RIMS2: variants seen among roughly 807,000 people sequenced by gnomAD.
RIMS2 encodes regulating synaptic membrane exocytosis protein 2.
A neutral mutation model predicts 174.4 loss-of-function variants in RIMS2; 59 were observed. The ratio of observed to expected loss-of-function variants is 0.34; its 90% confidence interval spans 0.27 to 0.42. The LOEUF (loss-of-function observed/expected upper bound fraction) is 0.42. RIMS2 is among the 10% of genes least tolerant of loss of function. RIMS2 has a pLI of 1.00. For synonymous variants in RIMS2, 606 were observed against 572.5 expected (o/e 1.06, Z -0.84); for missense variants, 1,620 against 1,666.3 (o/e 0.97, Z 0.48).
chr8:103,840,610 G>A (rs1433160375), intron 3 of RIMS2, among the ~76,000 whole-genome samples: 13 of 152,024 alleles, frequency 8.6e-5, no homozygotes, highest in Admixed American at 2.0e-4. Context: ...GGAACTTCTC[G>A]TGGATACATT....
Position 104,149,715 on chromosome 8 carries a change from C to G in RIMS2, c.3335-95201C>G, listed in dbSNP as rs1282727760. Reference sequence around the variant, plus strand: ...ATTAAATCTAATTTGTGTTTGACTACTAGGACTCTTGTACATAGAAGTCAG... The same window carrying G: ...ATTAAATCTAATTTGTGTTTGACTAGTAGGACTCTTGTACATAGAAGTCAG... On this transcript the variant is annotated intron_variant, in intron 19 of 23. Transcript: ENST00000504942. 7.9e-5 allele frequency among the ~76,000 whole-genome samples: 12 copies of G among 152,138 alleles called. 1 individual carries two copies. The highest frequency in any genetic ancestry group is 7.9e-4 in the Admixed American group (12 of 15,282).
intron 3 of RIMS2, among the ~76,000 whole-genome samples, chr8:103,796,026 AT>A (rs1472363812): frequency 6.6e-6 from 1 of 152,030 alleles, no homozygotes; most frequent in Non-Finnish European, 1.5e-5. Context: ...CTTAGGTATC[AT>A]TTTTCTAATC....
At chr8:103,773,708 C>A (rs1010467631) in intron 3 of RIMS2, among the ~76,000 whole-genome samples, 1 of 150,988 alleles carries the variant, frequency 6.6e-6, no homozygotes, top group Non-Finnish European at 1.5e-5. Context: ...CCAGCCTGGG[C>A]GACAAGAGCA....
chr8:104,159,754 G>A (rs2028947), intron 19 of RIMS2, among the ~76,000 whole-genome samples: 43,162 of 151,942 alleles, frequency 0.28, 6,290 homozygotes, highest in Non-Finnish European at 0.32. Context: ...GGAGACCTTT[G>A]CCCATTTCTT....
intron 2 of RIMS2, among the ~76,000 whole-genome samples, chr8:103,727,599 T>C (rs187860237): frequency 6.6e-6 from 1 of 152,298 alleles, no homozygotes; most frequent in East Asian, 1.9e-4. Context: ...TAGTTTCAGG[T>C]GCTGGATATA....
chr8:103,502,068 C>A lies in RIMS2; in HGVS notation c.176+1006C>A, dbSNP rs776602044. 4.6e-5 allele frequency among the ~76,000 whole-genome samples: 7 copies of A among 152,280 alleles called. No individual in the cohort carries two copies. In the South Asian group the frequency reaches 1.2e-3, roughly 27 times the overall value. ...AGAGGTTATTCAGAAGATGTGTAACCTTTTTATGTTTTTCCAGCTTGGCTT... is the reference window on the plus strand; with the variant it reads ...AGAGGTTATTCAGAAGATGTGTAACATTTTTATGTTTTTCCAGCTTGGCTT... On this transcript the variant is annotated intron_variant, in intron 1 of 23. Transcript: ENST00000504942.
At chr8:104,087,615 C>G (rs1055713552) in intron 19 of RIMS2, among the ~76,000 whole-genome samples, 1 of 152,042 alleles carries the variant, frequency 6.6e-6, no homozygotes, top group Non-Finnish European at 1.5e-5. Flanking sequence ...ACTGTACTTC[C>G]TTCTGACTCC....
chr8:103,795,596 A>G (rs1005671018), intron 3 of RIMS2, among the ~76,000 whole-genome samples: 6 of 152,044 alleles, frequency 3.9e-5, no homozygotes, highest in Non-Finnish European at 8.8e-5. Context: ...GATGAAAAAT[A>G]AGAAGTACAA....
intron 1 of RIMS2, among the ~76,000 whole-genome samples, chr8:103,552,769 T>C (rs1253673620): frequency 7.2e-5 from 11 of 151,952 alleles, no homozygotes; most frequent in Non-Finnish European, 1.0e-4. Context: ...AACAACCCCA[T>C]CAAAAAGTGG....
intron 19 of RIMS2, among the ~76,000 whole-genome samples, chr8:104,237,198 A>C (rs1300754495): frequency 1.3e-5 from 2 of 152,198 alleles, no homozygotes; most frequent in Non-Finnish European, 2.9e-5. Flanking sequence ...CAAAATGGCC[A>C]ATTTTTAAAT....
intron 1 of RIMS2, among the ~76,000 whole-genome samples, chr8:103,556,609 G>A (rs1314260656): frequency 6.6e-6 from 1 of 152,148 alleles, no homozygotes; most frequent in African/African-American, 2.4e-5. Flanking sequence ...GAAATTATAT[G>A]TATTAGTTAA....
intron 2 of RIMS2, among the ~76,000 whole-genome samples, chr8:103,707,984 A>G (rs955663571): frequency 3.9e-5 from 6 of 152,164 alleles, no homozygotes; most frequent in South Asian, 4.1e-4. Flanking sequence ...CAATTGTAAG[A>G]AAAAGTTTCC....
rs1458425347 is a variant in RIMS2 at position 104,080,447 on chromosome 8, T to C, written c.3334+65832T>C. 2.0e-5 allele frequency among the ~76,000 whole-genome samples: 3 copies of C among 152,190 alleles called. No individual in the cohort carries two copies. In the East Asian group the frequency reaches 5.8e-4, roughly 29 times the overall value. ...GTCTGATCAGTGTAAGGCTCTCTACTAGACATGTTCTCACAAGTGCCTGAA... is the reference window on the plus strand; with the variant it reads ...GTCTGATCAGTGTAAGGCTCTCTACCAGACATGTTCTCACAAGTGCCTGAA... On this transcript the variant is annotated intron_variant, in intron 19 of 23. Coordinates refer to ENST00000504942, the Ensembl canonical transcript of RIMS2.
intron 1 of RIMS2, among the ~76,000 whole-genome samples, chr8:103,632,971 G>T (rs1226704478): frequency 6.6e-6 from 1 of 150,646 alleles, no homozygotes; most frequent in Non-Finnish European, 1.5e-5. Flanking sequence ...CTGACCCTGT[G>T]ATCCGCCCAC....
chr8:103,817,611 T>G (rs2098726030), intron 3 of RIMS2, among the ~76,000 whole-genome samples: 1 of 152,080 alleles, frequency 6.6e-6, no homozygotes, highest in Non-Finnish European at 1.5e-5. Flanking sequence ...TGAAACCCTG[T>G]CTCCACTAAA....
At chr8:104,132,945 A>C (rs1371507455) in intron 19 of RIMS2, among the ~76,000 whole-genome samples, 1 of 152,194 alleles carries the variant, frequency 6.6e-6, no homozygotes, top group African/African-American at 2.4e-5. Context: ...TGAACCAAAA[A>C]CTTTGTGTTT....
intron 19 of RIMS2, among the ~76,000 whole-genome samples, chr8:104,224,120 C>T (rs1051228639): frequency 6.6e-6 from 1 of 152,210 alleles, no homozygotes; most frequent in Non-Finnish European, 1.5e-5. Flanking sequence ...TTTGGTTTAC[C>T]CTTCGCAGTC....
chr8:104,099,890 C>T (rs917769965), intron 19 of RIMS2, among the ~76,000 whole-genome samples: 10 of 151,488 alleles, frequency 6.6e-5, no homozygotes, highest in African/African-American at 2.4e-4. Context: ...AATCATGGCT[C>T]ACTGCAGCCT....
intron 3 of RIMS2, among the ~76,000 whole-genome samples, chr8:103,857,639 AT>A: frequency 6.6e-6 from 1 of 152,242 alleles, no homozygotes; most frequent in South Asian, 2.1e-4. Context: ...AATATTTAAT[AT>A]TTTTAAGTTT....
Sources: gnomAD v4.1 joint callset for allele counts (sites outside exome capture counted in the v4.1 genomes callset) on GRCh38, gnomAD v4.1.1 for gene constraint, MANE v1.5 for transcripts, NCBI Gene and HGNC (gene_info 2026-07-23, HGNC 2026-07-21) for gene names.